The following RABGAP1L variants were observed in gnomAD, a reference collection of about 807,000 sequenced individuals.
RABGAP1L encodes RAB GTPase activating protein 1 like, also known as rab GTPase-activating protein 1-like.
A neutral mutation model predicts 137.7 loss-of-function variants in RABGAP1L; 63 were observed. The observed-to-expected ratio is 0.46, with a 90% CI of 0.37 to 0.56. The LOEUF is 0.56. RABGAP1L is among the 20% of genes least tolerant of loss of function. RABGAP1L has a pLI of 0.00. For synonymous variants in RABGAP1L, 431 were observed against 433.7 expected (o/e 0.99, Z 0.08); for missense variants, 1,095 against 1,244.0 (o/e 0.88, Z 1.80).
chr1:174,208,783 G>A (rs1668671787), intron 1 of RABGAP1L, among the ~76,000 whole-genome samples: 1 of 152,158 alleles, frequency 6.6e-6, no homozygotes, highest in Non-Finnish European at 1.5e-5. Flanking sequence ...GAGTTAGAAA[G>A]TATTACCTCT....
intron 11 of RABGAP1L, among the ~76,000 whole-genome samples, chr1:174,346,748 C>CT (rs1365346538): frequency 6.7e-6 from 1 of 149,850 alleles, no homozygotes; most frequent in Non-Finnish European, 1.5e-5. Context: ...TTTATTATTT[C>CT]TTTTTTTTCT....
chr1:174,608,091 G>T (rs1035985115), intron 13 of RABGAP1L, among the ~76,000 whole-genome samples: 1 of 152,174 alleles, frequency 6.6e-6, no homozygotes, highest in African/African-American at 2.4e-5. Context: ...ACAGCTCAAA[G>T]CATTTCGCAG....
intron 1 of RABGAP1L, among the ~76,000 whole-genome samples, chr1:174,214,297 C>G (rs532452485): frequency 3.8e-4 from 58 of 152,052 alleles, no homozygotes; most frequent in African/African-American, 1.4e-3. Flanking sequence ...GAAAGATCTC[C>G]ACAATGAAAA....
chr1:174,378,614 C>A (rs1685801628), intron 12 of RABGAP1L, among the ~76,000 whole-genome samples: 2 of 152,038 alleles, frequency 1.3e-5, no homozygotes, highest in Admixed American at 1.3e-4. Flanking sequence ...ATGTCCTTCG[C>A]CCACTTTTTG....
chr1:174,302,096 G>A (rs531779493), intron 10 of RABGAP1L, among the ~76,000 whole-genome samples: 7 of 152,268 alleles, frequency 4.6e-5, no homozygotes, highest in Admixed American at 3.3e-4. Context: ...TCTAAGATAC[G>A]GACAAGCTTG....
chr1:174,795,788 C>A (rs1688198870), intron 18 of RABGAP1L, among the ~76,000 whole-genome samples: 1 of 152,168 alleles, frequency 6.6e-6, no homozygotes, highest in African/African-American at 2.4e-5. Flanking sequence ...GTTGCTCAGG[C>A]TGGTCTTGAA....
At chr1:174,903,270 A>G (rs1341339227) in intron 19 of RABGAP1L, among the ~76,000 whole-genome samples, 2 of 152,234 alleles carry the variant, frequency 1.3e-5, no homozygotes, top group Non-Finnish European at 2.9e-5. Flanking sequence ...GATATGCCAT[A>G]GAAATACAGA....
intron 13 of RABGAP1L, among the ~76,000 whole-genome samples, chr1:174,436,373 T>A (rs569400530): frequency 6.6e-6 from 1 of 152,356 alleles, no homozygotes; most frequent in East Asian, 1.9e-4. Context: ...GGTATCTCAT[T>A]GTGGTTTTGA....
chr1:174,173,131 A>AT (rs771261221), intron 1 of RABGAP1L, among the ~76,000 whole-genome samples: 221 of 140,692 alleles, frequency 1.6e-3, no homozygotes, highest in Admixed American at 2.8e-3. Flanking sequence ...AGTTAAAAAG[A>AT]TTTTTTTTTT....
In RABGAP1L at chr1:174,435,102, G is replaced by A. The variant is rs74565567; in HGVS notation, c.1710+40957G>A. On this transcript the variant is annotated intron_variant, in intron 13 of 25. Transcript: ENST00000681986. ...GTTGGCATGACCATAGCTCACTGTA[G>A]CTTAGAACTCTGGACTGAAGCAGTC... 3.2e-4 allele frequency among the ~76,000 whole-genome samples: 49 copies of A among 152,244 alleles called. No homozygotes were observed. The East Asian group carries it at 9.5e-3, about 29-fold the overall frequency.
chr1:174,201,150 C>T (rs934797637), intron 1 of RABGAP1L, among the ~76,000 whole-genome samples: 17 of 152,032 alleles, frequency 1.1e-4, no homozygotes, highest in Admixed American at 9.8e-4. Flanking sequence ...AGACAAGAGT[C>T]TCCCTCTGTT....
chr1:174,894,362 A>C (rs1656778508), intron 19 of RABGAP1L, among the ~76,000 whole-genome samples: 1 of 152,194 alleles, frequency 6.6e-6, no homozygotes, highest in Non-Finnish European at 1.5e-5. Context: ...TTAAAGTGTT[A>C]ATGGCATCTA....
intron 11 of RABGAP1L, among the ~76,000 whole-genome samples, chr1:174,307,842 A>G (rs777215721): frequency 2.6e-5 from 4 of 152,070 alleles, no homozygotes; most frequent in Non-Finnish European, 5.9e-5. Flanking sequence ...CAGTAGTAGG[A>G]TTGCTAGATT....
At chr1:174,622,490 G>C (rs907767990) in intron 13 of RABGAP1L, among the ~76,000 whole-genome samples, 1 of 152,222 alleles carries the variant, frequency 6.6e-6, no homozygotes, top group East Asian at 1.9e-4. Context: ...TTAAGAAAAT[G>C]TGGCACATAT....
intron 19 of RABGAP1L, among the ~76,000 whole-genome samples, chr1:174,902,077 G>A (rs556221036): frequency 1.3e-5 from 2 of 152,180 alleles, no homozygotes; most frequent in African/African-American, 2.4e-5. Flanking sequence ...CATCCTAGGG[G>A]GATACTGACC....
At chr1:174,877,378 C>T in intron 19 of RABGAP1L, 1 of 1,544,614 alleles carries the variant, frequency 6.5e-7, no homozygotes, top group Non-Finnish European at 8.7e-7. Context: ...GACACTCCAC[C>T]CCCTCGAACT....
chr1:174,280,961 G>T (rs1216731449), intron 10 of RABGAP1L, among the ~76,000 whole-genome samples: 1 of 152,074 alleles, frequency 6.6e-6, no homozygotes, highest in Non-Finnish European at 1.5e-5. Flanking sequence ...GACTTCAAGA[G>T]TGAAGCCGCA....
intron 20 of RABGAP1L, among the ~76,000 whole-genome samples, chr1:174,962,265 T>A (rs1669220227): frequency 7.1e-6 from 1 of 140,142 alleles, no homozygotes; most frequent in African/African-American, 2.7e-5. Context: ...TAATAAAGGT[T>A]ACCTGTTCTA....
chr1:174,270,467 T>C (rs952753291), intron 7 of RABGAP1L, among the ~76,000 whole-genome samples: 1 of 152,044 alleles, frequency 6.6e-6, no homozygotes, highest in Non-Finnish European at 1.5e-5. Context: ...GGGGTGAAGG[T>C]TGAAAGATTA....
Sources: allele counts gnomAD v4.1 joint callset (sites outside exome capture counted in the v4.1 genomes callset), GRCh38; gene constraint gnomAD v4.1.1; transcripts MANE v1.5; gene names NCBI Gene and HGNC (gene_info 2026-07-23, HGNC 2026-07-21).